Variants in SLF1 observed in about 807,000 individuals in gnomAD.
SLF1 encodes SMC5-SMC6 complex localization factor protein 1.
Under a neutral mutation model 123.0 loss-of-function variants are expected in SLF1, and 105 were observed. The observed-to-expected ratio is 0.85, with a 90% confidence interval of 0.73 to 1.00. The LOEUF is 1.00. SLF1 is among the 50% of genes least tolerant of loss of function. The pLI is 0.00. For missense variants in SLF1, 1,239 were observed against 1,223.0 expected (o/e 1.01, Z -0.20); for synonymous variants, 434 against 406.6 (o/e 1.07, Z -0.81).
chr5:94,691,792 A>T, intron 19 of SLF1, 136 bp downstream of exon 19: 1 of 733,984 alleles, frequency 1.4e-6, no homozygotes, highest in Non-Finnish European at 2.0e-6. Context: ...ATTTCTTAGC[A>T]AAGCCAAGAA....
intron 8 of SLF1, among the ~76,000 whole-genome samples, chr5:94,653,835 A>C (rs1055580826): frequency 3.4e-5 from 5 of 147,828 alleles, no homozygotes; most frequent in Non-Finnish European, 5.9e-5. Context: ...TTCTTGGGTA[A>C]ATTTTTTCTG....
rs1015058501 is a variant in SLF1 at position 94,628,858 on chromosome 5, G to A, written c.48G>A (p.Lys16=). The change falls in exon 2 of 21, where the codon AAG becomes AAA. Residue 16 remains lysine, a synonymous_variant. Coordinates refer to ENST00000265140, the MANE Select transcript of SLF1 (RefSeq NM_032290.4). ...PKHIIQMTGF[K]MEEKEALVKL... ...ATATCATCCAGATGACAGGATTTAAGATGGAAGAAAAAGAAGCGCTAGTCA... is the reference window on the plus strand; with the variant it reads ...ATATCATCCAGATGACAGGATTTAAAATGGAAGAAAAAGAAGCGCTAGTCA... 7.1e-6 allele frequency: 11 copies of A among 1,550,390 alleles called. No homozygotes were observed. The Admixed American group carries it at 2.2e-4, about 31-fold the overall frequency.
At chr5:94,652,014 C>CTTTTTTTTCT (rs1554065258) in intron 7 of SLF1, among the ~76,000 whole-genome samples, 169 bp downstream of exon 7, 7 of 130,886 alleles carry the variant, frequency 5.3e-5, no homozygotes, top group Non-Finnish European at 6.6e-5. Context: ...TTTCTTTTTT[C>CTTTTTTTTCT]TTTTTTTTTT....
chr5:94,674,310 T>A (rs1750802547), intron 14 of SLF1, among the ~76,000 whole-genome samples: 1 of 152,196 alleles, frequency 6.6e-6, no homozygotes, highest in Non-Finnish European at 1.5e-5. Flanking sequence ...TAGTAACAGA[T>A]TTATACATAT....
At position 94,628,914 on chromosome 5, in the gene SLF1, T is replaced by G. The variant is rs561940506; in HGVS notation, c.104T>G (p.Ile35Ser). 1 of 1,542,080 alleles carries G rather than the reference T, an allele frequency of 6.5e-7. No homozygotes were observed. Among genetic ancestry groups the G allele is most frequent in the African/African-American group, 1.4e-5 (1 of 72,734 alleles). The change falls in exon 2 of 21, where the codon ATT (isoleucine) becomes AGT (serine). Residue 35 changes from isoleucine to serine, a missense_variant. Physicochemically the swap from Ile to Ser is moderately radical, Grantham distance 142. Transcript: ENST00000265140. ...KLLLKLDCTF[I>S]KSEKYKNCTH... The stretch of plus-strand genomic sequence containing the variant: ...CTTTTAAAACTAGATTGCACTTTTA[T>G]TAAGAGTGAGGTAAGAAACTTATCA...
Position 94,688,516 on chromosome 5 carries a change from A to T in SLF1, c.2132A>T (p.Tyr711Phe). 6 of 1,613,962 alleles carry T rather than the reference A, an allele frequency of 3.7e-6. No homozygotes were observed. Among genetic ancestry groups the T allele is most frequent in the Non-Finnish European group, 5.1e-6 (6 of 1,179,920 alleles). Residue 711 changes from tyrosine to phenylalanine, a missense_variant, in exon 17 of 21, where the codon TAT becomes TTT. Physicochemically the swap from Tyr to Phe is conservative, Grantham distance 22 (BLOSUM62 3). Coordinates refer to ENST00000265140, the MANE Select transcript of SLF1 (RefSeq NM_032290.4). ...PLSLQKMVYS[Y>F]LPALGKTGVL... ...ATTATTTTTCAACAGGTATATTCCT[A>T]TTTACCAGCCTTGGGGAAAACTGGT...
Position 94,662,358 on chromosome 5 carries a change from G to A in SLF1, c.1209+7G>A, listed in dbSNP as rs1309035486. The A allele has an allele frequency of 1.9e-6, 3 of 1,541,850 alleles. No homozygotes were observed. Among genetic ancestry groups the A allele is most frequent in the Admixed American group, 2.0e-5 (1 of 49,796 alleles). On this transcript the variant is annotated splice_region_variant and intron_variant, in intron 10 of 20. Transcript: ENST00000265140. ...ACCAGTGTACAACGTAGAGGTAAGGGGCTTGGAGCAGCATTGGTGATGGGG... is the reference window on the plus strand; with the variant it reads ...ACCAGTGTACAACGTAGAGGTAAGGAGCTTGGAGCAGCATTGGTGATGGGG...
intron 8 of SLF1, among the ~76,000 whole-genome samples, chr5:94,654,005 A>G (rs1223643979): frequency 6.6e-6 from 1 of 152,074 alleles, no homozygotes; most frequent in East Asian, 1.9e-4. Flanking sequence ...CCCCATGTCT[A>G]CCAAAAATAC....
chr5:94,653,190 T>G, intron 7 of SLF1, 82 bp from the exon 8 acceptor site: 1 of 1,299,314 alleles, frequency 7.7e-7, no homozygotes, highest in Admixed American at 2.9e-5. Context: ...TATGAAAGTA[T>G]GAAAGTCACT....
chr5:94,662,232 G>A (rs1749207830), intron 9 of SLF1, 66 bp from the exon 10 acceptor site: 1 of 1,376,536 alleles, frequency 7.3e-7, no homozygotes, highest in Non-Finnish European at 1.0e-6. Flanking sequence ...CCAAGGTTTT[G>A]GGGAAGCTGA....
chr5:94,625,004 G>A (rs945074685), intron 1 of SLF1, among the ~76,000 whole-genome samples: 1 of 151,090 alleles, frequency 6.6e-6, no homozygotes, highest in Non-Finnish European at 1.5e-5. Context: ...AGATAACACA[G>A]TGAAACCCCA....
At chr5:94,627,673 C>G (rs1744670997) in intron 1 of SLF1, among the ~76,000 whole-genome samples, 2 of 133,794 alleles carry the variant, frequency 1.5e-5, no homozygotes, top group African/African-American at 5.6e-5. Flanking sequence ...TTATGTGTAC[C>G]CACTTTACTA....
chr5:94,640,671 T>TA (rs997326193), intron 4 of SLF1, among the ~76,000 whole-genome samples: 1 of 151,910 alleles, frequency 6.6e-6, no homozygotes, highest in East Asian at 1.9e-4. Flanking sequence ...GTTCTTTTTT[T>TA]AAAAAAAAAT....
chr5:94,647,770 A>ATG (rs386404466), intron 5 of SLF1, among the ~76,000 whole-genome samples: 19 of 152,012 alleles, frequency 1.2e-4, no homozygotes, highest in Admixed American at 1.1e-3. Flanking sequence ...AGAGAAAAAT[A>ATG]TGTGGATCAT....
chr5:94,663,946 A>G (rs1472835975), intron 11 of SLF1, 38 bp downstream of exon 11: 2 of 1,445,150 alleles, frequency 1.4e-6, no homozygotes, highest in East Asian at 2.6e-5. Flanking sequence ...CTTTTTTTCA[A>G]AGAATGTTAA....
chr5:94,695,118 A>T lies in SLF1; in HGVS notation c.2983A>T (p.Ser995Cys). Reference sequence around the variant, plus strand: ...AAATGAACTGCTTATGGCTTGTAAAAGTCATAAAGAAACCACCAGTGTTCA... The same window carrying T: ...AAATGAACTGCTTATGGCTTGTAAATGTCATAAAGAAACCACCAGTGTTCA... ...HLNELLMACK[S>C]HKETTSVHTD... The change falls in exon 21 of 21, where the codon AGT becomes TGT. Residue 995 changes from serine to cysteine, a missense_variant. Ser to Cys is a moderately radical substitution (Grantham distance 112, BLOSUM62 -1). Coordinates refer to ENST00000265140, the MANE Select transcript of SLF1 (RefSeq NM_032290.4). 6.2e-7 allele frequency: 1 copy of T among 1,612,646 alleles called. No homozygotes were observed. Among genetic ancestry groups the T allele is most frequent in the Non-Finnish European group, 8.5e-7 (1 of 1,179,152 alleles).
intron 1 of SLF1, among the ~76,000 whole-genome samples, chr5:94,625,086 A>C (rs1033225445): frequency 6.6e-6 from 1 of 151,394 alleles, no homozygotes; most frequent in Non-Finnish European, 1.5e-5. Context: ...CCAGCTACTC[A>C]GGAGGCTGAG....
intron 9 of SLF1, among the ~76,000 whole-genome samples, chr5:94,655,527 A>G (rs1748272698): frequency 6.6e-6 from 1 of 152,168 alleles, no homozygotes; most frequent in Non-Finnish European, 1.5e-5. Context: ...TTAAATTTGT[A>G]GATTACTTTG....
rs1423687777 is a variant in SLF1, at chr5:94,686,584, C to G, written c.1987C>G (p.Gln663Glu). 1 of 1,613,712 alleles carries G rather than the reference C, an allele frequency of 6.2e-7. No individual in the cohort carries two copies. The highest frequency in any genetic ancestry group is 8.5e-7 in the Non-Finnish European group (1 of 1,179,736). Residue 663 changes from glutamine (Q) to glutamate (E), a missense_variant, in exon 16 of 21, where the codon CAG becomes GAG. Gln to Glu is a conservative substitution (Grantham distance 29). Transcript: ENST00000265140. ...VSLSCDDFSS[Q>E]ELEIFICSFS... ...CTTATGTTCTCCAGACTTTTCTTCA[C>G]AGGAATTAGAGATTTTCATTTGCTC... is the stretch of plus-strand genomic sequence containing the variant.
Sources: gnomAD v4.1 joint callset for allele counts (sites outside exome capture counted in the v4.1 genomes callset) on GRCh38, gnomAD v4.1.1 for gene constraint, MANE v1.5 for transcripts, NCBI Gene and HGNC (gene_info 2026-07-23, HGNC 2026-07-21) for gene names.